Variants in SDK1 observed in about 807,000 individuals in gnomAD.
SDK1 encodes sidekick cell adhesion molecule 1, also known as protein sidekick-1.
A neutral mutation model predicts 245.5 loss-of-function variants in SDK1; 157 were observed. The observed-to-expected ratio is 0.64, with a 90% confidence interval of 0.56 to 0.73. The LOEUF (loss-of-function observed/expected upper bound fraction) is 0.73. Ranked by LOEUF, SDK1 falls within the 30% of genes least tolerant of loss-of-function variation. SDK1 has a pLI of 0.00. For missense variants in SDK1, 3,583 were observed against 3,002.3 expected (o/e 1.19, Z -4.52); for synonymous variants, 1,647 against 1,278.5 (o/e 1.29, Z -6.15).
At chr7:3,665,184 T>G (rs1353232016) in intron 4 of SDK1, among the ~76,000 whole-genome samples, 3 of 152,144 alleles carry the variant, frequency 2.0e-5, no homozygotes, top group Non-Finnish European at 4.4e-5. Context: ...CCTCTGTGCC[T>G]CCTCAACAGG....
chr7:3,964,953 A>G (rs1377587939), intron 9 of SDK1, among the ~76,000 whole-genome samples: 1 of 152,236 alleles, frequency 6.6e-6, no homozygotes, highest in Non-Finnish European at 1.5e-5. Flanking sequence ...TAGAAATAAT[A>G]TGGAATGCTC....
chr7:3,420,891 T>G (rs938991087), intron 1 of SDK1, among the ~76,000 whole-genome samples: 1 of 152,178 alleles, frequency 6.6e-6, no homozygotes, highest in Admixed American at 6.5e-5. Context: ...CTATTTATCC[T>G]GATGCTCTCT....
chr7:4,097,472 G>A (rs1782226830), intron 22 of SDK1, among the ~76,000 whole-genome samples: 1 of 152,238 alleles, frequency 6.6e-6, no homozygotes, highest in Admixed American at 6.5e-5. Flanking sequence ...CCTGTGAGCA[G>A]GTGGACAGGG....
At chr7:4,065,771 A>T (rs963651332) in intron 19 of SDK1, among the ~76,000 whole-genome samples, 2 of 131,466 alleles carry the variant, frequency 1.5e-5, no homozygotes, top group African/African-American at 5.4e-5. Flanking sequence ...TTGTGTTAGA[A>T]GGCTTTGTCC....
intron 1 of SDK1, among the ~76,000 whole-genome samples, chr7:3,426,194 G>T (rs898429061): frequency 5.3e-5 from 8 of 152,180 alleles, no homozygotes; most frequent in African/African-American, 1.9e-4. Context: ...GAAGAGGAGG[G>T]CAGTGCTGGT....
At chr7:3,325,625 G>A (rs181345633) in intron 1 of SDK1, among the ~76,000 whole-genome samples, 482 of 152,168 alleles carry the variant, frequency 3.2e-3, no homozygotes, top group Non-Finnish European at 4.2e-3. Flanking sequence ...TGTCATAAAA[G>A]ATTAAAGGGT....
intron 1 of SDK1, among the ~76,000 whole-genome samples, chr7:3,433,578 C>G (rs1779929971): frequency 6.6e-6 from 1 of 152,112 alleles, no homozygotes; most frequent in Non-Finnish European, 1.5e-5. Flanking sequence ...AAACAATTTT[C>G]TAGCACAATG....
intron 5 of SDK1, among the ~76,000 whole-genome samples, chr7:3,878,898 C>G (rs938781248): frequency 6.6e-6 from 1 of 152,114 alleles, no homozygotes; most frequent in African/African-American, 2.4e-5. Flanking sequence ...ACTGAATGAA[C>G]TATCACAAAG....
At chr7:3,489,482 G>C (rs1026997384) in intron 1 of SDK1, among the ~76,000 whole-genome samples, 19 of 152,050 alleles carry the variant, frequency 1.2e-4, no homozygotes, top group Admixed American at 1.2e-3. Context: ...TTATAATTCA[G>C]AATTTTAGGA....
At chr7:3,319,180 A>G (rs1407616349) in intron 1 of SDK1, among the ~76,000 whole-genome samples, 3 of 152,182 alleles carry the variant, frequency 2.0e-5, no homozygotes, top group African/African-American at 4.8e-5. Flanking sequence ...TGTGGTGTGT[A>G]GAAACTGGAA....
At chr7:4,097,278 C>T (rs1782216704) in intron 22 of SDK1, among the ~76,000 whole-genome samples, 1 of 85,462 alleles carries the variant, frequency 1.2e-5, no homozygotes, top group Non-Finnish European at 2.3e-5. Flanking sequence ...CGGCCAGGGG[C>T]TCTCAGGTTG....
chr7:3,538,709 C>T (rs1380778711), intron 1 of SDK1, among the ~76,000 whole-genome samples: 2 of 152,160 alleles, frequency 1.3e-5, no homozygotes, highest in African/African-American at 4.8e-5. Flanking sequence ...AGGCTTAGGG[C>T]ACAGGAGTTT....
chr7:3,496,533 G>T (rs958182518), intron 1 of SDK1, among the ~76,000 whole-genome samples: 2 of 151,946 alleles, frequency 1.3e-5, no homozygotes, highest in African/African-American at 4.8e-5. Context: ...ATAAAATACA[G>T]GGAAAATCAT....
chr7:3,355,235 G>A (rs1443767410), intron 1 of SDK1, among the ~76,000 whole-genome samples: 5 of 152,136 alleles, frequency 3.3e-5, no homozygotes, highest in African/African-American at 7.2e-5. Flanking sequence ...ATATAAATGC[G>A]TCATTCACGT....
chr7:4,175,213 G>A lies in SDK1; in HGVS notation c.4937-562G>A, dbSNP rs551055150. ...CATGATGTTGATGAATGTTGAAGAC[G>A]GGAAATTGCAGCACTGGTGTCTGCA... is the stretch of plus-strand genomic sequence containing the variant. On this transcript the variant is annotated intron_variant, in intron 33 of 44. Transcript: ENST00000404826. Among the ~76,000 whole-genome samples the A allele has an allele frequency of 1.6e-4, 25 of 152,300 alleles. No individual in the cohort carries two copies. In the South Asian group the frequency reaches 3.3e-3, roughly 20 times the overall value.
intron 42 of SDK1, among the ~76,000 whole-genome samples, chr7:4,238,149 G>A (rs1022985313): frequency 2.6e-5 from 4 of 151,664 alleles, no homozygotes; most frequent in East Asian, 1.9e-4. Context: ...GCACAATCTC[G>A]GCTCACAGCA....
chr7:4,039,916 A>C (rs188573752), intron 17 of SDK1, among the ~76,000 whole-genome samples: 1 of 152,344 alleles, frequency 6.6e-6, no homozygotes, highest in African/African-American at 2.4e-5. Flanking sequence ...AAACATAATC[A>C]TACGTTTTAC....
chr7:3,537,889 G>A (rs896461635), intron 1 of SDK1, among the ~76,000 whole-genome samples: 2 of 152,212 alleles, frequency 1.3e-5, no homozygotes, highest in Non-Finnish European at 2.9e-5. Context: ...CCTGTTTTCA[G>A]TGAGGCATCC....
intron 30 of SDK1, among the ~76,000 whole-genome samples, chr7:4,157,633 G>A (rs1203917475): frequency 2.0e-5 from 3 of 152,096 alleles, no homozygotes; most frequent in Non-Finnish European, 4.4e-5. Context: ...CGACGGGCTG[G>A]GGGTATTTTT....
Sources: gnomAD v4.1 joint callset for allele counts (sites outside exome capture counted in the v4.1 genomes callset) on GRCh38, gnomAD v4.1.1 for gene constraint, MANE v1.5 for transcripts, NCBI Gene and HGNC (gene_info 2026-07-23, HGNC 2026-07-21) for gene names.